CNTN6: variants seen among roughly 807,000 people sequenced by gnomAD.
The protein encoded by CNTN6 is contactin 6, also known as contactin-6.
In CNTN6, 137 loss-of-function variants were observed where a neutral mutation model predicts 122.8. That is an observed-to-expected ratio of 1.12 (90% CI 0.97 to 1.29). CNTN6 has a LOEUF of 1.29. Among genes scored for constraint, CNTN6 ranks in the 50% most tolerant of loss-of-function variants. CNTN6 has a pLI of 0.00. For missense variants in CNTN6, 1,634 were observed against 1,223.4 expected (o/e 1.34, Z -5.01); for synonymous variants, 570 against 426.0 (o/e 1.34, Z -4.16).
chr3:1,192,904 C>T (rs1393484545), intron 2 of CNTN6, among the ~76,000 whole-genome samples: 1 of 152,142 alleles, frequency 6.6e-6, no homozygotes, highest in Non-Finnish European at 1.5e-5. Flanking sequence ...TTAAACTCCA[C>T]GTATTTGAAC....
At chr3:1,373,818 T>C in intron 15 of CNTN6, 56 bp downstream of exon 15, 3 of 1,500,488 alleles carry the variant, frequency 2.0e-6, no homozygotes, top group South Asian at 2.8e-5. Flanking sequence ...GTCCAATAAT[T>C]TTAATAAATG....
chr3:1,321,635 G>C lies in CNTN6; in HGVS notation c.762-15G>C, dbSNP rs370416764. 1.2e-6 allele frequency: 2 copies of C among 1,602,562 alleles called. No individual in the cohort carries two copies. Among genetic ancestry groups the C allele is most frequent in the Non-Finnish European group, 1.7e-6 (2 of 1,174,582 alleles). The stretch of plus-strand genomic sequence containing the variant: ...ATTAAACCGTCTTCTATTCTAATGA[G>C]GTGTAACTGTTTAGTCCAGTCCCCG... On this transcript the variant is annotated splice_polypyrimidine_tract_variant and intron_variant, in intron 7 of 22. Coordinates refer to ENST00000446702, the MANE Select transcript of CNTN6 (RefSeq NM_001289080.2).
At chr3:1,363,184 CAACTT>C (rs1250510087) in intron 12 of CNTN6, among the ~76,000 whole-genome samples, 12 of 151,856 alleles carry the variant, frequency 7.9e-5, no homozygotes, top group Non-Finnish European at 1.5e-4. Flanking sequence ...CTATACTAAG[CAACTT>C]AACTTATGCA....
intron 4 of CNTN6, among the ~76,000 whole-genome samples, chr3:1,237,955 C>T (rs941968379): frequency 2.0e-5 from 3 of 151,294 alleles, no homozygotes; most frequent in Non-Finnish European, 4.4e-5. Context: ...TTGAAGCACA[C>T]ATCTCACAGA....
At chr3:1,387,274 A>C (rs1346798012) in intron 20 of CNTN6, among the ~76,000 whole-genome samples, 6 of 152,218 alleles carry the variant, frequency 3.9e-5, no homozygotes, top group African/African-American at 1.4e-4. Flanking sequence ...CAGTCCACCC[A>C]GTTTTAGACA....
At chr3:1,249,910 GCT>G (rs76287745) in intron 4 of CNTN6, among the ~76,000 whole-genome samples, 4 of 151,890 alleles carry the variant, frequency 2.6e-5, no homozygotes, top group East Asian at 1.9e-4. Flanking sequence ...CTTCTGAAAG[GCT>G]CTGTTTTTGT....
chr3:1,292,396 T>C (rs549589753), intron 5 of CNTN6, among the ~76,000 whole-genome samples: 1 of 152,180 alleles, frequency 6.6e-6, no homozygotes, highest in Admixed American at 6.5e-5. Flanking sequence ...ATAAACTTGA[T>C]ATTTTTAATT....
intron 1 of CNTN6, among the ~76,000 whole-genome samples, chr3:1,142,439 TC>T (rs1049004737): frequency 1.3e-5 from 2 of 152,166 alleles, no homozygotes; most frequent in African/African-American, 4.8e-5. Flanking sequence ...CAGGACTGCA[TC>T]TTTTTCTACT....
At chr3:1,096,991 T>C (rs2090561726) in intron 1 of CNTN6, among the ~76,000 whole-genome samples, 2 of 152,256 alleles carry the variant, frequency 1.3e-5, no homozygotes, top group African/African-American at 4.8e-5. Context: ...GAGTTTTAAA[T>C]AGCAATCTTT....
chr3:1,245,258 C>A (rs371153411), intron 4 of CNTN6, among the ~76,000 whole-genome samples: 46 of 3,890 alleles, frequency 0.012, no homozygotes, highest in Admixed American at 0.019. Flanking sequence ...ATATATATAA[C>A]ATATATATAT....
At chr3:1,319,924 A>G (rs1289976931) in intron 7 of CNTN6, among the ~76,000 whole-genome samples, 1 of 151,628 alleles carries the variant, frequency 6.6e-6, no homozygotes. Flanking sequence ...CACATGCAAT[A>G]CATACAACAT....
At chr3:1,226,501 T>C (rs1181371152) in intron 3 of CNTN6, among the ~76,000 whole-genome samples, 2 of 152,120 alleles carry the variant, frequency 1.3e-5, no homozygotes, top group Non-Finnish European at 2.9e-5. Flanking sequence ...ATTCCAGAGG[T>C]ATCATTTCTA....
chr3:1,228,249 A>C (rs2094310757), intron 4 of CNTN6, among the ~76,000 whole-genome samples: 1 of 152,190 alleles, frequency 6.6e-6, no homozygotes, highest in African/African-American at 2.4e-5. Flanking sequence ...CATTTCTAAA[A>C]GTTTCAGACA....
intron 1 of CNTN6, among the ~76,000 whole-genome samples, chr3:1,115,958 G>A (rs1028250750): frequency 6.6e-5 from 10 of 152,120 alleles, no homozygotes; most frequent in East Asian, 1.9e-4. Flanking sequence ...TAGCAGTAAC[G>A]TCAGAATGCT....
intron 12 of CNTN6, among the ~76,000 whole-genome samples, chr3:1,358,154 A>G (rs1706885780): frequency 6.6e-6 from 1 of 151,810 alleles, no homozygotes; most frequent in Non-Finnish European, 1.5e-5. Flanking sequence ...CTAGCTATCC[A>G]TCTCCTATTT....
intron 5 of CNTN6, among the ~76,000 whole-genome samples, chr3:1,282,917 A>G (rs1183926438): frequency 6.6e-6 from 1 of 152,178 alleles, no homozygotes; most frequent in East Asian, 1.9e-4. Flanking sequence ...TTCTTTCACT[A>G]TGTCCCTGCA....
chr3:1,398,663 G>A (rs1437937698), intron 20 of CNTN6, among the ~76,000 whole-genome samples: 1 of 151,908 alleles, frequency 6.6e-6, no homozygotes, highest in Admixed American at 6.6e-5. Flanking sequence ...AACCAAATGA[G>A]GAATATTTCA....
chr3:1,176,271 G>A (rs1394418838), intron 2 of CNTN6, among the ~76,000 whole-genome samples: 1 of 152,152 alleles, frequency 6.6e-6, no homozygotes, highest in Non-Finnish European at 1.5e-5. Flanking sequence ...TACAAAATTA[G>A]CTGGATATGG....
intron 1 of CNTN6, among the ~76,000 whole-genome samples, chr3:1,135,559 T>A (rs1386559722): frequency 4.6e-5 from 7 of 152,206 alleles, no homozygotes; most frequent in African/African-American, 1.7e-4. Flanking sequence ...CTGCAGGGTT[T>A]TACTGTATTT....
Sources: gnomAD v4.1 joint callset for allele counts (sites outside exome capture counted in the v4.1 genomes callset) on GRCh38, gnomAD v4.1.1 for gene constraint, MANE v1.5 for transcripts, NCBI Gene and HGNC (gene_info 2026-07-23, HGNC 2026-07-21) for gene names.